Variants in MBTD1 observed in about 807,000 individuals in gnomAD.
MBTD1 encodes MBT domain-containing protein 1.
MBTD1 carries 24 observed loss-of-function variants against 87.8 expected under a neutral mutation model. That is an observed-to-expected ratio of 0.27 (90% confidence interval 0.20 to 0.38). MBTD1 has a LOEUF of 0.38. MBTD1 is among the 10% of genes least tolerant of loss of function. MBTD1 has a pLI of 1.00. For synonymous variants in MBTD1, 237 were observed against 248.6 expected (o/e 0.95, Z 0.44); for missense variants, 436 against 760.2 (o/e 0.57, Z 5.02).
intron 1 of MBTD1, 94 bp downstream of exon 1, chr17:51,259,741 G>T: frequency 1.8e-6 from 2 of 1,142,618 alleles, no homozygotes; most frequent in African/African-American, 1.6e-5. Flanking sequence ...AGGCCAGGGA[G>T]CGGGGTCAGG....
intron 12 of MBTD1, among the ~76,000 whole-genome samples, chr17:51,198,856 G>A (rs2051293559): frequency 6.6e-6 from 1 of 152,130 alleles, no homozygotes; most frequent in Non-Finnish European, 1.5e-5. Flanking sequence ...AGGCCGAAGT[G>A]CAGTGGCTCG....
rs1219781911 is a variant in MBTD1 at position 51,197,520 on chromosome 17, C to T, written c.1225-2159G>A. Among the ~76,000 whole-genome samples, 16 of 139,076 alleles carry T rather than the reference C, an allele frequency of 1.2e-4. No homozygotes were observed. In the South Asian group the frequency reaches 2.8e-3, roughly 24 times the overall value. The allele number at this position is 139,076 out of a possible 152,430, so 91.2% of individuals were successfully genotyped here. A position where few individuals can be genotyped will look rare whatever the true frequency, so the allele number is the denominator to read the frequency against. ...GCTCACTACTCTTAATTTTTCTTTTCTTTTTTTTTTTTTTTGAGACAAGGT... is the reference window on the plus strand; with the variant it reads ...GCTCACTACTCTTAATTTTTCTTTTTTTTTTTTTTTTTTTTGAGACAAGGT... On this transcript the variant is annotated intron_variant, in intron 12 of 16. Transcript: ENST00000586178.
At chr17:51,252,781 T>C (rs2054867831) in intron 2 of MBTD1, among the ~76,000 whole-genome samples, 1 of 151,908 alleles carries the variant, frequency 6.6e-6, no homozygotes, top group African/African-American at 2.4e-5. Flanking sequence ...CTGCAAATCA[T>C]ATTAGATGAC....
chr17:51,200,291 G>T (rs893941809), intron 12 of MBTD1, among the ~76,000 whole-genome samples: 1 of 152,130 alleles, frequency 6.6e-6, no homozygotes, highest in African/African-American at 2.4e-5. Context: ...AGCCAGGCAG[G>T]TGGCTCCTGC....
At chr17:51,212,665 T>C (rs995947965) in intron 6 of MBTD1, among the ~76,000 whole-genome samples, 2 of 152,102 alleles carry the variant, frequency 1.3e-5, no homozygotes, top group African/African-American at 4.8e-5. Flanking sequence ...AAAAAAAAGT[T>C]TTACTTGATT....
Position 51,192,299 on chromosome 17 carries a change from A to G in MBTD1, c.1691-19T>C, listed in dbSNP as rs2145078372. 6.7e-7 allele frequency: 1 copy of G among 1,499,490 alleles called. No individual in the cohort carries two copies. The highest frequency in any genetic ancestry group is 9.1e-7 in the Non-Finnish European group (1 of 1,100,394). 92.9% of individuals were successfully genotyped at this position (1,499,490 alleles called of 1,614,324 possible). On this transcript the variant is annotated intron_variant, in intron 15 of 16. Transcript: ENST00000586178. ...CTTGATGCTGAAAAATAAAAAGGGA[A>G]AATTGGTACTAGATAATTGTTTACA...
intron 16 of MBTD1, among the ~76,000 whole-genome samples, chr17:51,188,874 C>T (rs1403058052): frequency 1.3e-5 from 2 of 151,738 alleles, no homozygotes; most frequent in African/African-American, 2.4e-5. Flanking sequence ...ATTCTCCTGC[C>T]TCAGCCTCCC....
chr17:51,206,880 C>T lies in MBTD1; in HGVS notation c.604+8G>A. On this transcript the variant is annotated splice_region_variant and intron_variant, in intron 7 of 16. Coordinates refer to ENST00000586178, the MANE Select transcript of MBTD1 (RefSeq NM_017643.3). The stretch of plus-strand genomic sequence containing the variant: ...ATTTTCTACTAAACTATTATTCATG[C>T]TTTTCACCTGCTAATTTTACAATTC... 8 of 1,553,014 alleles carry T rather than the reference C, an allele frequency of 5.2e-6. No individual in the cohort carries two copies. Among genetic ancestry groups the T allele is most frequent in the Non-Finnish European group, 7.1e-6 (8 of 1,124,780 alleles).
intron 3 of MBTD1, among the ~76,000 whole-genome samples, chr17:51,223,902 T>C (rs1382067832): frequency 6.6e-6 from 1 of 152,200 alleles, no homozygotes; most frequent in African/African-American, 2.4e-5. Flanking sequence ...AGATCCAAAG[T>C]CCTACATCTT....
chr17:51,254,549 T>G (rs543885478), intron 2 of MBTD1, among the ~76,000 whole-genome samples: 32 of 152,290 alleles, frequency 2.1e-4, no homozygotes, highest in African/African-American at 7.5e-4. Context: ...TTTTAAGATT[T>G]AAAGCAACAG....
In MBTD1 at chr17:51,230,071, G is replaced by A. The variant is rs184872216; in HGVS notation, c.-48-4862C>T. 4.5e-4 allele frequency among the ~76,000 whole-genome samples: 69 copies of A among 152,266 alleles called. No individual in the cohort carries two copies. The East Asian group carries it at 9.7e-3, about 21-fold the overall frequency. On this transcript the variant is annotated intron_variant, in intron 2 of 16. Transcript: ENST00000586178. Reference sequence around the variant, plus strand: ...CCCTGCATCAGTCTTCCCTAGCTTGGTCATCTAACCTGATTCAGCAGATTT... The same window carrying A: ...CCCTGCATCAGTCTTCCCTAGCTTGATCATCTAACCTGATTCAGCAGATTT...
chr17:51,179,514 A>ATATATTTATATT lies in MBTD1; in HGVS notation c.*1061_*1062insAATATAAATATA, dbSNP rs1568136181. 6 of 96,078 alleles carry ATATATTTATATT rather than the reference A, an allele frequency of 6.2e-5. No homozygotes were observed. Among genetic ancestry groups the ATATATTTATATT allele is most frequent in the Non-Finnish European group, 1.0e-4 (5 of 47,734 alleles). The allele number at this position is 96,078 out of a possible 1,614,324, so 6.0% of individuals were successfully genotyped here. A position where few individuals can be genotyped will look rare whatever the true frequency, so the allele number is the denominator to read the frequency against. On this transcript the variant is annotated 3_prime_UTR_variant, in exon 17 of 17. Transcript: ENST00000586178. ...TATATATATATATATATATATATAT[A>ATATATTTATATT]TATATATATATATATATATATATGG...
intron 2 of MBTD1, among the ~76,000 whole-genome samples, chr17:51,247,440 AC>A (rs2054508907): frequency 1.8e-5 from 2 of 114,240 alleles, no homozygotes; most frequent in South Asian, 6.6e-4. Context: ...AATCAGTATT[AC>A]TTTTTTTTTT....
intron 2 of MBTD1, among the ~76,000 whole-genome samples, chr17:51,239,981 C>T (rs1449988007): frequency 6.6e-6 from 1 of 152,138 alleles, no homozygotes; most frequent in South Asian, 2.1e-4. Flanking sequence ...CTTCTTCAGC[C>T]CAGGGTCATA....
intron 6 of MBTD1, among the ~76,000 whole-genome samples, chr17:51,216,947 T>C (rs2052605007): frequency 6.6e-6 from 1 of 152,068 alleles, no homozygotes; most frequent in African/African-American, 2.4e-5. Context: ...ATACCTGTAA[T>C]CCCAGCATTT....
At chr17:51,209,811 G>C (rs1347625795) in intron 6 of MBTD1, among the ~76,000 whole-genome samples, 2 of 152,122 alleles carry the variant, frequency 1.3e-5, no homozygotes, top group Non-Finnish European at 2.9e-5. Flanking sequence ...TGTACAAAAA[G>C]CCATCATCAA....
intron 16 of MBTD1, chr17:51,183,719 A>G (rs907225831): frequency 1.3e-5 from 2 of 152,224 alleles, no homozygotes; most frequent in Non-Finnish European, 2.9e-5. Flanking sequence ...ATGAGGAATG[A>G]TATCAAATGC....
At position 51,238,883 on chromosome 17, in the gene MBTD1, T is replaced by TA. The variant is rs1426194317; in HGVS notation, c.-48-13675dup. Among the ~76,000 whole-genome samples the TA allele has an allele frequency of 3.9e-5, 6 of 152,158 alleles. No individual in the cohort carries two copies. The South Asian group carries it at 8.3e-4, about 21-fold the overall frequency. The stretch of plus-strand genomic sequence containing the variant: ...GGGAGGCTGAGGTGGATGGATCACT[T>TA]AAAGTCAGGAGTTCGAGACCAGCCT... On this transcript the variant is annotated intron_variant, in intron 2 of 16. Transcript: ENST00000586178.
At chr17:51,213,127 C>T (rs931864698) in intron 6 of MBTD1, among the ~76,000 whole-genome samples, 3 of 152,114 alleles carry the variant, frequency 2.0e-5, no homozygotes, top group Non-Finnish European at 4.4e-5. Context: ...CAGCCCTGAC[C>T]TCCTGGGCTC....
Sources: allele counts gnomAD v4.1 joint callset (sites outside exome capture counted in the v4.1 genomes callset), GRCh38; gene constraint gnomAD v4.1.1; transcripts MANE v1.5; gene names NCBI Gene and HGNC (gene_info 2026-07-23, HGNC 2026-07-21).